C1orf87: variants seen among roughly 807,000 people sequenced by gnomAD.
The protein encoded by C1orf87 is chromosome 1 open reading frame 87.
Under a neutral mutation model 60.5 loss-of-function variants are expected in C1orf87, and 58 were observed. That is an observed-to-expected ratio of 0.96 (90% CI 0.78 to 1.19). The LOEUF is 1.19. Among genes scored for constraint, C1orf87 ranks in the 50% most tolerant of loss-of-function variants. C1orf87 has a pLI of 0.00. For synonymous variants in C1orf87, 236 were observed against 227.4 expected (o/e 1.04, Z -0.34); for missense variants, 673 against 638.6 (o/e 1.05, Z -0.58).
intron 6 of C1orf87, among the ~76,000 whole-genome samples, chr1:60,036,449 G>A (rs1645277656): frequency 1.3e-5 from 2 of 152,182 alleles, no homozygotes; most frequent in African/African-American, 2.4e-5. Flanking sequence ...ATTTGCAGCT[G>A]AAAGGAGTGT....
intron 3 of C1orf87, among the ~76,000 whole-genome samples, chr1:60,041,449 T>A (rs2100299038): frequency 6.6e-6 from 1 of 152,294 alleles, no homozygotes; most frequent in Non-Finnish European, 1.5e-5. Flanking sequence ...AATGTGGGGT[T>A]CTTATTAGAG....
At chr1:60,020,164 C>T (rs368461923) in intron 8 of C1orf87, among the ~76,000 whole-genome samples, 15 of 152,288 alleles carry the variant, frequency 9.8e-5, no homozygotes, top group East Asian at 5.8e-4. Context: ...AAAATAGTTT[C>T]GTGGGCTGGG....
chr1:60,004,523 A>G (rs1339535611), intron 9 of C1orf87, among the ~76,000 whole-genome samples: 1 of 151,960 alleles, frequency 6.6e-6, no homozygotes, highest in African/African-American at 2.4e-5. Context: ...ATTCCTCTCT[A>G]CCGTCTGCAC....
At position 60,013,117 on chromosome 1, in the gene C1orf87, T is replaced by C. The variant is rs182932079; in HGVS notation, c.1128-2661A>G. Among the ~76,000 whole-genome samples, 805 of 152,266 alleles carry C rather than the reference T, an allele frequency of 5.3e-3. 2 individuals carry two copies. The highest frequency in any genetic ancestry group is 0.01 in the Middle Eastern group (3 of 294). On this transcript the variant is annotated intron_variant, in intron 8 of 11. Transcript: ENST00000371201. ...GTTTTGTTGGAATGATGTGAATACA[T>C]TTTTTCTTAATTTAGCTTACATCAC...
chr1:60,017,051 A>C (rs1645128858), intron 8 of C1orf87, among the ~76,000 whole-genome samples: 2 of 152,188 alleles, frequency 1.3e-5, no homozygotes, highest in African/African-American at 4.8e-5. Flanking sequence ...TTATTGACGA[A>C]TTCATTTATT....
intron 8 of C1orf87, among the ~76,000 whole-genome samples, chr1:60,017,761 T>C (rs1477026125): frequency 6.6e-6 from 1 of 152,196 alleles, no homozygotes; most frequent in Non-Finnish European, 1.5e-5. Flanking sequence ...GAGTAGAGAT[T>C]TGAAATCGTA....
intron 11 of C1orf87, among the ~76,000 whole-genome samples, chr1:59,993,461 A>T (rs1644940276): frequency 6.6e-6 from 1 of 152,076 alleles, no homozygotes; most frequent in Admixed American, 6.5e-5. Context: ...GTATATATGT[A>T]ATTGCTTATT....
chr1:60,022,152 C>T (rs146678058), intron 8 of C1orf87, among the ~76,000 whole-genome samples: 557 of 140,902 alleles, frequency 4.0e-3, no homozygotes, highest in Non-Finnish European at 6.1e-3. Flanking sequence ...ATAACATACT[C>T]TTGCAGTGTT....
At chr1:60,042,557 G>A (rs971759880) in intron 3 of C1orf87, among the ~76,000 whole-genome samples, 3 of 152,224 alleles carry the variant, frequency 2.0e-5, no homozygotes, top group African/African-American at 7.2e-5. Flanking sequence ...GAATGACAGA[G>A]AGTTCTGAAT....
At chr1:60,032,490 T>G (rs1204620178) in intron 7 of C1orf87, among the ~76,000 whole-genome samples, 2 of 138,382 alleles carry the variant, frequency 1.4e-5, no homozygotes, top group Non-Finnish European at 3.0e-5. Flanking sequence ...CAGGCTGGAG[T>G]GCAGTGGCGT....
At chr1:60,021,812 C>G (rs1645165024) in intron 8 of C1orf87, among the ~76,000 whole-genome samples, 2 of 152,130 alleles carry the variant, frequency 1.3e-5, no homozygotes, top group South Asian at 4.1e-4. Flanking sequence ...CAAAAAGAGA[C>G]TAGCTGAAGG....
chr1:60,025,250 T>A, intron 8 of C1orf87, 151 bp downstream of exon 8: 1 of 548,526 alleles, frequency 1.8e-6, no homozygotes, highest in East Asian at 3.1e-5. Context: ...AATTTCATCA[T>A]GGGGGTTTCA....
chr1:60,058,901 T>C (rs552257881), intron 2 of C1orf87, among the ~76,000 whole-genome samples: 4 of 152,228 alleles, frequency 2.6e-5, no homozygotes, highest in African/African-American at 9.6e-5. Flanking sequence ...TTAACTCTTT[T>C]GGATAAAGGC....
In C1orf87 at chr1:60,033,650, AG is replaced by A; in HGVS notation, c.864-10del. Reference sequence around the variant, plus strand: ...AGTGCTGAGGTGGAGTGCTGATTGTAGGGGAAATGGGGAAGGCTATGAAAAG... The same window carrying A: ...AGTGCTGAGGTGGAGTGCTGATTGTAGGGAAATGGGGAAGGCTATGAAAAG... On this transcript the variant is annotated splice_polypyrimidine_tract_variant and intron_variant, in intron 6 of 11. Coordinates refer to ENST00000371201, the MANE Select transcript of C1orf87 (RefSeq NM_152377.3). 1 of 1,608,616 alleles carries A rather than the reference AG, an allele frequency of 6.2e-7. No homozygotes were observed. Among genetic ancestry groups the A allele is most frequent in the Non-Finnish European group, 8.5e-7 (1 of 1,177,420 alleles).
intron 7 of C1orf87, among the ~76,000 whole-genome samples, chr1:60,029,423 CTTGT>C (rs1432079570): frequency 6.6e-6 from 1 of 152,040 alleles, no homozygotes; most frequent in Non-Finnish European, 1.5e-5. Context: ...ATATCATTCA[CTTGT>C]TTAATACCCT....
chr1:60,010,000 AT>A (rs1239183651), intron 9 of C1orf87, among the ~76,000 whole-genome samples: 2 of 150,066 alleles, frequency 1.3e-5, no homozygotes, highest in African/African-American at 4.9e-5. Context: ...AAACATATAT[AT>A]ACATCTCACA....
chr1:60,068,175 T>C (rs1167421841), intron 2 of C1orf87, among the ~76,000 whole-genome samples: 3 of 152,172 alleles, frequency 2.0e-5, no homozygotes, highest in African/African-American at 7.2e-5. Context: ...CACTGAGTTC[T>C]GTGTAGAGTG....
In C1orf87 at chr1:60,073,417, C is replaced by T. The variant is rs147889552; in HGVS notation, c.-28+273G>A. Among the ~76,000 whole-genome samples the T allele has an allele frequency of 1.6e-3, 244 of 152,152 alleles. 1 individual carries two copies. The highest frequency in any genetic ancestry group is 2.6e-3 in the Non-Finnish European group (176 of 67,992). ...CCTTCACAGATTGGAAAACTAAGGCCCAGAGAGGGTGTGTTATTTGACAAG... is the reference window on the plus strand; with the variant it reads ...CCTTCACAGATTGGAAAACTAAGGCTCAGAGAGGGTGTGTTATTTGACAAG... On this transcript the variant is annotated intron_variant, in intron 1 of 11. Transcript: ENST00000371201.
At chr1:60,038,513 C>T (rs2100293866) in intron 5 of C1orf87, among the ~76,000 whole-genome samples, 1 of 152,160 alleles carries the variant, frequency 6.6e-6, no homozygotes, top group South Asian at 2.1e-4. Flanking sequence ...AGAACTATGG[C>T]TGGCTCTATG....
Sources: allele counts gnomAD v4.1 joint callset (sites outside exome capture counted in the v4.1 genomes callset), GRCh38; gene constraint gnomAD v4.1.1; transcripts MANE v1.5; gene names NCBI Gene and HGNC (gene_info 2026-07-23, HGNC 2026-07-21).